TPST1: variants seen among roughly 807,000 people sequenced by gnomAD.
TPST1 encodes tyrosylprotein sulfotransferase 1, also known as protein-tyrosine sulfotransferase 1.
A neutral mutation model predicts 34.8 loss-of-function variants in TPST1; 20 were observed. That is an observed-to-expected ratio of 0.57 (90% CI 0.40 to 0.84). The LOEUF (loss-of-function observed/expected upper bound fraction) is 0.84, where lower values mean the gene tolerates loss of function less well. Among genes scored for constraint, TPST1 ranks in the 40% least tolerant of loss-of-function variants. The probability of loss-of-function intolerance (pLI) is 0.00; values close to 1 mark genes in which losing one functional copy is unlikely to be tolerated. For missense variants in TPST1, 353 were observed against 455.5 expected (o/e 0.78, Z 2.05); for synonymous variants, 152 against 159.4 (o/e 0.95, Z 0.35).
chr7:66,329,541 G>T (rs183977170), intron 3 of TPST1, among the ~76,000 whole-genome samples: 28 of 152,190 alleles, frequency 1.8e-4, no homozygotes, highest in Admixed American at 3.9e-4. Flanking sequence ...ATTTGAAGAC[G>T]TGTATGAGGT....
At chr7:66,347,233 AATT>A (rs1792375192) in intron 3 of TPST1, among the ~76,000 whole-genome samples, 2 of 151,322 alleles carry the variant, frequency 1.3e-5, no homozygotes, top group Non-Finnish European at 2.9e-5. Flanking sequence ...ATGCCTGGCT[AATT>A]TTTGTATTTT....
chr7:66,228,527 A>C (rs1789711230), intron 1 of TPST1, among the ~76,000 whole-genome samples: 1 of 152,198 alleles, frequency 6.6e-6, no homozygotes, highest in Admixed American at 6.5e-5. Context: ...TAAATGGAAT[A>C]TACTAGAAGA....
At chr7:66,282,215 C>T (rs1001017976) in intron 2 of TPST1, among the ~76,000 whole-genome samples, 10 of 152,076 alleles carry the variant, frequency 6.6e-5, no homozygotes, top group African/African-American at 1.9e-4. Context: ...AGGTTATTAT[C>T]GAGAAAAGAA....
intron 3 of TPST1, among the ~76,000 whole-genome samples, chr7:66,329,512 G>A (rs554058295): frequency 5.3e-5 from 8 of 152,022 alleles, no homozygotes; most frequent in South Asian, 2.1e-4. Context: ...CATTTTCCTC[G>A]ACAACTGATT....
At chr7:66,262,422 C>T (rs1790506061) in intron 2 of TPST1, among the ~76,000 whole-genome samples, 1 of 152,156 alleles carries the variant, frequency 6.6e-6, no homozygotes, top group Non-Finnish European at 1.5e-5. Flanking sequence ...AATCCATGCC[C>T]TCCTTCCTCC....
intron 1 of TPST1, among the ~76,000 whole-genome samples, chr7:66,232,608 C>T (rs1037864338): frequency 1.1e-4 from 16 of 152,142 alleles, no homozygotes; most frequent in African/African-American, 1.4e-4. Context: ...CCACCTGCCT[C>T]GGCCTCCCAA....
chr7:66,360,088 C>T lies in TPST1; in HGVS notation c.*223C>T, dbSNP rs986029610. 4 of 398,182 alleles carry T rather than the reference C, an allele frequency of 1.0e-5. No homozygotes were observed. Among genetic ancestry groups the T allele is most frequent in the Admixed American group, 8.2e-5 (3 of 36,744 alleles). 24.7% of individuals were successfully genotyped at this position (398,182 alleles called of 1,614,324 possible). ...CTCCTGAGCAAAGAGCTCTTGATCC[C>T]GATTTCATGCACAGCCCTGCAGTAA... On this transcript the variant is annotated 3_prime_UTR_variant, in exon 6 of 6. Transcript: ENST00000304842.
At chr7:66,252,665 C>T (rs1284011762) in intron 2 of TPST1, among the ~76,000 whole-genome samples, 1 of 152,106 alleles carries the variant, frequency 6.6e-6, no homozygotes, top group Non-Finnish European at 1.5e-5. Context: ...TTTTTAATAT[C>T]TTTTTTGTCA....
At chr7:66,242,813 T>C (rs1156598003) in intron 2 of TPST1, among the ~76,000 whole-genome samples, 1 of 152,182 alleles carries the variant, frequency 6.6e-6, no homozygotes, top group East Asian at 1.9e-4. Flanking sequence ...GTGTATATAC[T>C]TGCTATGTTT....
upstream of TPST1, among the ~76,000 whole-genome samples, chr7:66,204,244 A>G (rs1789074764): frequency 6.6e-6 from 1 of 152,150 alleles, no homozygotes; most frequent in South Asian, 2.1e-4. Context: ...GTGCCGATAC[A>G]TGCTACAACA....
At chr7:66,317,996 T>A (rs1791668764) in intron 3 of TPST1, among the ~76,000 whole-genome samples, 1 of 152,098 alleles carries the variant, frequency 6.6e-6, no homozygotes, top group Non-Finnish European at 1.5e-5. Flanking sequence ...CCGTCTCTAC[T>A]AAAAATATAA....
In TPST1 at chr7:66,241,080, A is replaced by G. The variant is rs764538576; in HGVS notation, c.655A>G (p.Ile219Val). 8.7e-6 allele frequency: 14 copies of G among 1,614,104 alleles called. No individual in the cohort carries two copies. The highest frequency in any genetic ancestry group is 1.1e-5 in the Non-Finnish European group (13 of 1,180,040). The change falls in exon 2 of 6, where the codon ATA (isoleucine) becomes GTA (valine). Residue 219 changes from isoleucine to valine, a missense_variant. By Grantham distance (29) the Ile-to-Val change is conservative. Coordinates refer to ENST00000304842, the MANE Select transcript of TPST1 (RefSeq NM_003596.4). ...RDCLTKWNRA[I>V]ETMYNQCMEV... is the part of the protein sequence containing the mutation. ...CTGTTTGACAAAGTGGAATCGTGCT[A>G]TAGAGACCATGTATAACCAGTGTAT...
chr7:66,286,687 A>G lies in TPST1; in HGVS notation c.1022A>G (p.Lys341Arg), dbSNP rs943807079. The part of the protein sequence containing the change: ...NPPNYGKPDP[K>R]IIENTRRVYK... The stretch of plus-strand genomic sequence containing the variant: ...CCTAACTACGGAAAACCTGATCCCA[A>G]AATTATTGAAAACACTCGAAGGGTA... Residue 341 changes from lysine to arginine, a missense_variant, in exon 3 of 6, where the codon AAA becomes AGA. Lys to Arg is a conservative substitution (Grantham distance 26). Coordinates refer to ENST00000304842, the MANE Select transcript of TPST1 (RefSeq NM_003596.4). 1.3e-6 allele frequency: 2 copies of G among 1,578,402 alleles called. No individual in the cohort carries two copies. The highest frequency in any genetic ancestry group is 3.5e-5 in the Admixed American group (2 of 56,428).
intron 1 of TPST1, among the ~76,000 whole-genome samples, chr7:66,236,899 G>A (rs1789922867): frequency 6.6e-6 from 1 of 152,148 alleles, no homozygotes; most frequent in Non-Finnish European, 1.5e-5. Context: ...CCCAGTGCTT[G>A]GACAGTGGTT....
At chr7:66,314,274 C>T (rs1485711005) in intron 3 of TPST1, among the ~76,000 whole-genome samples, 1 of 152,210 alleles carries the variant, frequency 6.6e-6, no homozygotes, top group Non-Finnish European at 1.5e-5. Flanking sequence ...GTGGCTCATG[C>T]CTATGATCCC....
At chr7:66,243,941 A>ATT (rs55829208) in intron 2 of TPST1, among the ~76,000 whole-genome samples, 5 of 116,212 alleles carry the variant, frequency 4.3e-5, no homozygotes, top group East Asian at 2.2e-4. Flanking sequence ...ATTCTGGGAA[A>ATT]TTTTTTTTTT....
chr7:66,218,524 A>C (rs117667396), intron 1 of TPST1, among the ~76,000 whole-genome samples: 2,046 of 152,338 alleles, frequency 0.013, 31 homozygotes, highest in Middle Eastern at 0.027. Context: ...ATAACAAGAC[A>C]ATGAAAGTTC....
chr7:66,223,810 T>C (rs769817097), intron 1 of TPST1, among the ~76,000 whole-genome samples: 3 of 152,218 alleles, frequency 2.0e-5, no homozygotes, highest in Admixed American at 6.6e-5. Flanking sequence ...AGTGAGCTCA[T>C]AGCAGTCTAA....
chr7:66,299,566 C>T (rs978868065), intron 3 of TPST1, among the ~76,000 whole-genome samples: 1 of 151,936 alleles, frequency 6.6e-6, no homozygotes, highest in African/African-American at 2.4e-5. Context: ...AAATTCGTAG[C>T]TCCGTTCTAC....
Sources: allele counts gnomAD v4.1 joint callset (sites outside exome capture counted in the v4.1 genomes callset), GRCh38; gene constraint gnomAD v4.1.1; transcripts MANE v1.5; gene names NCBI Gene and HGNC (gene_info 2026-07-23, HGNC 2026-07-21).